The following THADA variants were observed in gnomAD, a reference collection of about 807,000 sequenced individuals.
THADA encodes the protein THADA armadillo repeat containing, also known as tRNA (32-2'-O)-methyltransferase regulator THADA.
A neutral mutation model predicts 219.8 loss-of-function variants in THADA; 213 were observed. That is an observed-to-expected ratio of 0.97 (90% CI 0.87 to 1.09). The LOEUF (loss-of-function observed/expected upper bound fraction) is 1.09. Among genes scored for constraint, THADA ranks in the 50% least tolerant of loss-of-function variants. THADA has a pLI of 0.00. For synonymous variants in THADA, 1,018 were observed against 828.9 expected (o/e 1.23, Z -3.92); for missense variants, 2,956 against 2,311.3 (o/e 1.28, Z -5.72).
intron 22 of THADA, among the ~76,000 whole-genome samples, chr2:43,511,319 T>C (rs907359075): frequency 6.6e-6 from 1 of 152,168 alleles, no homozygotes; most frequent in African/African-American, 2.4e-5. Context: ...TCAATAATGC[T>C]CCTCAACTGT....
At chr2:43,427,088 C>CT (rs982349278) in intron 28 of THADA, among the ~76,000 whole-genome samples, 1 of 152,116 alleles carries the variant, frequency 6.6e-6, no homozygotes, top group Non-Finnish European at 1.5e-5. Flanking sequence ...ATATTCATGG[C>CT]TTTTTTCAGG....
chr2:43,570,415 G>C lies in THADA; in HGVS notation c.2160C>G (p.His720Gln). Residue 720 changes from histidine to glutamine, a missense_variant, in exon 14 of 38, where the codon CAC (histidine) becomes CAG (glutamine). Physicochemically the swap from His to Gln is conservative, Grantham distance 24. Coordinates refer to ENST00000405975, the MANE Select transcript of THADA (RefSeq NM_022065.5). The stretch of plus-strand genomic sequence containing the variant: ...TATACTGCTGTAAAGAAACAGAAGG[G>C]TGCTGTTTGGTTAACTCATTCTCTG... ...REPENELTKQ[H>Q]PSVSLQQYKN... The C allele has an allele frequency of 6.2e-7, 1 of 1,613,192 alleles. No individual in the cohort carries two copies.
chr2:43,282,620 G>A (rs997854310), intron 35 of THADA, among the ~76,000 whole-genome samples: 2 of 152,170 alleles, frequency 1.3e-5, no homozygotes, highest in African/African-American at 4.8e-5. Flanking sequence ...GTTAATACGG[G>A]ATTAAACATG....
intron 35 of THADA, among the ~76,000 whole-genome samples, chr2:43,280,103 TG>T (rs1167326177): frequency 2.0e-5 from 3 of 152,140 alleles, no homozygotes; most frequent in Admixed American, 2.0e-4. Context: ...ATGCCTTTTT[TG>T]GGGGTGAGGA....
chr2:43,232,346 T>A (rs918352339), intron 37 of THADA, among the ~76,000 whole-genome samples: 26 of 152,054 alleles, frequency 1.7e-4, no homozygotes, highest in African/African-American at 6.3e-4. Flanking sequence ...GCCCGGCTAA[T>A]TTTTTGTATT....
intron 36 of THADA, among the ~76,000 whole-genome samples, chr2:43,250,974 GAGGGGTTAAAACAAGAGTGAAA>G (rs1669753195): frequency 6.6e-6 from 1 of 152,292 alleles, no homozygotes; most frequent in South Asian, 2.1e-4. Flanking sequence ...AAGGTGAACA[GAGGGGTTAAAACAAGAGTGAAA>G]AGGGGTCAGG....
intron 29 of THADA, among the ~76,000 whole-genome samples, chr2:43,368,759 C>T (rs1213953214): frequency 6.6e-6 from 1 of 152,120 alleles, no homozygotes; most frequent in East Asian, 1.9e-4. Context: ...CTGAAACCCA[C>T]TTAAAATTTA....
intron 26 of THADA, among the ~76,000 whole-genome samples, chr2:43,447,724 C>A (rs1055198166): frequency 6.6e-6 from 1 of 151,932 alleles, no homozygotes; most frequent in Non-Finnish European, 1.5e-5. Flanking sequence ...CTGAAATAAC[C>A]TCCCATAGCC....
intron 30 of THADA, among the ~76,000 whole-genome samples, chr2:43,322,811 G>C (rs1014321700): frequency 6.8e-6 from 1 of 148,098 alleles, no homozygotes; most frequent in African/African-American, 2.5e-5. Context: ...TCAGCCTCCG[G>C]AGTAGCTGGG....
At chr2:43,592,118 T>C in intron 2 of THADA, 72 bp from the exon 3 acceptor site, 1 of 1,285,058 alleles carries the variant, frequency 7.8e-7, no homozygotes, top group Non-Finnish European at 1.1e-6. Flanking sequence ...TTGTGCATTC[T>C]ACAAAATTTT....
intron 36 of THADA, among the ~76,000 whole-genome samples, chr2:43,235,512 C>G (rs1012149490): frequency 6.6e-6 from 1 of 151,646 alleles, no homozygotes; most frequent in Non-Finnish European, 1.5e-5. Flanking sequence ...AGGCTGATCT[C>G]GAACTCCTGA....
intron 26 of THADA, among the ~76,000 whole-genome samples, chr2:43,459,947 A>G (rs574623318): frequency 1.3e-5 from 2 of 152,208 alleles, no homozygotes; most frequent in South Asian, 2.1e-4. Context: ...CAAAAGCCAC[A>G]TCTTGGCAAA....
chr2:43,510,387 T>C (rs575781015), intron 22 of THADA, among the ~76,000 whole-genome samples: 63 of 152,302 alleles, frequency 4.1e-4, no homozygotes, highest in African/African-American at 1.5e-3. Flanking sequence ...TACACACGTT[T>C]ATGTGTTTGG....
rs1384933897 is a variant in THADA, at chr2:43,297,536, C to T, written c.4439-4323G>A. ...CCCCCGCCCGGCCAGCCGTGCCGTCCGGGAGGGAGGTGGGGGGGTCAGCCC... is the reference window on the plus strand; with the variant it reads ...CCCCCGCCCGGCCAGCCGTGCCGTCTGGGAGGGAGGTGGGGGGGTCAGCCC... On this transcript the variant is annotated intron_variant, in intron 31 of 37. Coordinates refer to ENST00000405975, the MANE Select transcript of THADA (RefSeq NM_022065.5). Among the ~76,000 whole-genome samples, 17 of 111,354 alleles carry T rather than the reference C, an allele frequency of 1.5e-4. 1 individual carries two copies. Among genetic ancestry groups the T allele is most frequent in the Admixed American group, 2.4e-4 (3 of 12,576 alleles). The allele number at this position is 111,354 out of a possible 152,430, so 73.1% of individuals were successfully genotyped here. A position where few individuals can be genotyped will look rare whatever the true frequency, so the allele number is the denominator to read the frequency against.
intron 28 of THADA, among the ~76,000 whole-genome samples, chr2:43,401,799 G>A (rs1429431780): frequency 6.6e-6 from 1 of 152,188 alleles, no homozygotes; most frequent in Non-Finnish European, 1.5e-5. Flanking sequence ...ACGGCAGACT[G>A]TGATCCAGAG....
At position 43,505,631 on chromosome 2, in the gene THADA, T is replaced by C. The variant is rs1452127736; in HGVS notation, c.3612A>G (p.Thr1204=). The change falls in exon 24 of 38, where the codon ACA becomes ACG. Residue 1204 remains threonine (T), a synonymous_variant. Transcript: ENST00000405975. The part of the protein sequence containing the change: ...LAGPTDDIQS[T]VPQVHALNIL... ...GTATTTCCATGATTACCTGGGGGAC[T>C]GTACTCTGTATGTCATCTGTAGGCC... The C allele has an allele frequency of 1.6e-5, 26 of 1,588,298 alleles. No homozygotes were observed. Among genetic ancestry groups the C allele is most frequent in the Non-Finnish European group, 2.2e-5 (26 of 1,164,046 alleles).
At chr2:43,479,026 T>C (rs1390694998) in intron 26 of THADA, among the ~76,000 whole-genome samples, 1 of 152,164 alleles carries the variant, frequency 6.6e-6, no homozygotes, top group Non-Finnish European at 1.5e-5. Context: ...AGTAGATAAA[T>C]GATTGAATGT....
intron 23 of THADA, among the ~76,000 whole-genome samples, chr2:43,507,878 C>T (rs779493848): frequency 6.6e-6 from 1 of 152,148 alleles, no homozygotes; most frequent in African/African-American, 2.4e-5. Context: ...ATAGCCATAT[C>T]TAAATGTGCT....
At chr2:43,362,909 TA>T (rs1259482654) in intron 29 of THADA, among the ~76,000 whole-genome samples, 4 of 152,148 alleles carry the variant, frequency 2.6e-5, no homozygotes, top group Admixed American at 6.5e-5. Flanking sequence ...ACTTTTTTGC[TA>T]AAAACTAAGA....
Sources: allele counts gnomAD v4.1 joint callset (sites outside exome capture counted in the v4.1 genomes callset), GRCh38; gene constraint gnomAD v4.1.1; transcripts MANE v1.5; gene names NCBI Gene and HGNC (gene_info 2026-07-23, HGNC 2026-07-21).